TLL1: variants seen among roughly 807,000 people sequenced by gnomAD.
TLL1 encodes the protein tolloid like 1, also known as tolloid-like protein 1.
Under a neutral mutation model 128.2 loss-of-function variants are expected in TLL1, and 49 were observed. The observed-to-expected ratio is 0.38, with a 90% CI of 0.30 to 0.48. TLL1 has a LOEUF of 0.48. TLL1 is among the 20% of genes least tolerant of loss of function. The pLI, the probability that TLL1 is intolerant of heterozygous loss-of-function variation, is 0.96. For missense variants in TLL1, 1,123 were observed against 1,242.0 expected (o/e 0.90, Z 1.44); for synonymous variants, 454 against 418.8 (o/e 1.08, Z -1.03).
intron 7 of TLL1, among the ~76,000 whole-genome samples, chr4:166,010,895 GA>G (rs1393785157): frequency 1.3e-5 from 2 of 150,606 alleles, no homozygotes; most frequent in Non-Finnish European, 3.0e-5. Flanking sequence ...GTCATTTGTT[GA>G]AAAAACTGTC....
chr4:165,948,409 C>T (rs1244253262), intron 1 of TLL1, among the ~76,000 whole-genome samples: 1 of 152,032 alleles, frequency 6.6e-6, no homozygotes, highest in East Asian at 1.9e-4. Flanking sequence ...TGAGTTGTTG[C>T]TATAATGGAA....
intron 1 of TLL1, among the ~76,000 whole-genome samples, chr4:165,909,494 G>C (rs770755028): frequency 9.2e-5 from 14 of 152,306 alleles, no homozygotes; most frequent in Middle Eastern, 3.4e-3. Context: ...AGAGTTCCAA[G>C]GACTTAGGTC....
chr4:165,954,816 C>A (rs1188422278), intron 1 of TLL1, among the ~76,000 whole-genome samples: 3 of 152,064 alleles, frequency 2.0e-5, no homozygotes. Context: ...CAATTGACAG[C>A]AACTTCACAA....
rs762873481 is a variant in TLL1 at position 165,989,476 on chromosome 4, C to T, written c.265C>T (p.Leu89Phe). ...IDLTQNPFGN[L>F]GHTTGGLGDH... is the part of the protein sequence containing the mutation. ...CCTTACGCAGAACCCCTTTGGAAAC[C>T]TTGGACATACCACAGGTATGGTTGA... Residue 89 changes from leucine (L) to phenylalanine (F), a missense_variant, in exon 2 of 21, where the codon CTT becomes TTT. Leu to Phe is a conservative substitution (Grantham distance 22, BLOSUM62 0). Transcript: ENST00000061240. The T allele has an allele frequency of 4.3e-6, 7 of 1,611,254 alleles. No homozygotes were observed. The East Asian group carries it at 1.3e-4, about 31-fold the overall frequency.
chr4:165,969,185 C>T (rs1269146310), intron 1 of TLL1, among the ~76,000 whole-genome samples: 3 of 151,952 alleles, frequency 2.0e-5, no homozygotes, highest in South Asian at 4.1e-4. Context: ...TTTTATCTTG[C>T]CAATATTAAA....
intron 1 of TLL1, among the ~76,000 whole-genome samples, chr4:165,945,577 A>C (rs2110930208): frequency 6.6e-6 from 1 of 152,280 alleles, no homozygotes; most frequent in East Asian, 1.9e-4. Context: ...AGTTATTCTA[A>C]ATAGGTGATA....
At chr4:165,904,045 A>C in intron 1 of TLL1, among the ~76,000 whole-genome samples, 1 of 151,902 alleles carries the variant, frequency 6.6e-6, no homozygotes, top group East Asian at 1.9e-4. Context: ...AATTTTGCAT[A>C]TATCTTTTGT....
intron 1 of TLL1, among the ~76,000 whole-genome samples, chr4:165,883,288 T>C (rs781455277): frequency 2.0e-5 from 3 of 152,208 alleles, no homozygotes; most frequent in Non-Finnish European, 2.9e-5. Context: ...TGAGCTGCCA[T>C]GGTCTGCCTT....
chr4:166,018,558 G>C (rs1030144356), intron 8 of TLL1, among the ~76,000 whole-genome samples: 2 of 152,024 alleles, frequency 1.3e-5, no homozygotes, highest in African/African-American at 4.8e-5. Flanking sequence ...CTACACATCT[G>C]ACAAAGGTCT....
At chr4:166,036,789 C>CTGTG (rs3047083) in intron 9 of TLL1, among the ~76,000 whole-genome samples, 8,215 of 145,146 alleles carry the variant, frequency 0.057, 525 homozygotes, top group African/African-American at 0.17. Flanking sequence ...CCCTATCCAA[C>CTGTG]TGTGTGTGTG....
chr4:166,027,414 G>C (rs1738556519), intron 9 of TLL1, among the ~76,000 whole-genome samples: 1 of 152,142 alleles, frequency 6.6e-6, no homozygotes, highest in South Asian at 2.1e-4. Context: ...ATGGTATTAG[G>C]AGATAATCAT....
At chr4:166,039,877 G>T (rs918591765) in intron 10 of TLL1, among the ~76,000 whole-genome samples, 5 of 152,152 alleles carry the variant, frequency 3.3e-5, no homozygotes, top group Non-Finnish European at 5.9e-5. Context: ...ATGTTTGGTA[G>T]CTGGCTTCCT....
chr4:165,912,308 G>A (rs1401244862), intron 1 of TLL1, among the ~76,000 whole-genome samples: 1 of 152,138 alleles, frequency 6.6e-6, no homozygotes, highest in South Asian at 2.1e-4. Flanking sequence ...CAGCTTGAGT[G>A]TCTGACTTCC....
intron 19 of TLL1, among the ~76,000 whole-genome samples, chr4:166,093,380 G>A (rs1047169137): frequency 6.6e-6 from 1 of 152,146 alleles, no homozygotes; most frequent in African/African-American, 2.4e-5. Flanking sequence ...ACTATGCCTG[G>A]ATGTGCACAT....
At chr4:165,898,979 G>A (rs1177898422) in intron 1 of TLL1, among the ~76,000 whole-genome samples, 1 of 152,074 alleles carries the variant, frequency 6.6e-6, no homozygotes, top group Non-Finnish European at 1.5e-5. Flanking sequence ...GTCCAGGAAT[G>A]TATTCATTTC....
chr4:165,888,257 T>C (rs1373980174), intron 1 of TLL1, among the ~76,000 whole-genome samples: 1 of 152,184 alleles, frequency 6.6e-6, no homozygotes, highest in Non-Finnish European at 1.5e-5. Context: ...TATTTGGTAT[T>C]TTTTTAAACA....
chr4:166,047,441 G>A (rs1427134694), intron 12 of TLL1, among the ~76,000 whole-genome samples: 1 of 150,500 alleles, frequency 6.6e-6, no homozygotes, highest in Non-Finnish European at 1.5e-5. Context: ...TGGGATTACA[G>A]GTATGAGCCA....
chr4:166,003,803 T>A (rs547506651), intron 6 of TLL1, among the ~76,000 whole-genome samples: 1 of 152,294 alleles, frequency 6.6e-6, no homozygotes, highest in Admixed American at 6.5e-5. Flanking sequence ...AAGATTTAGC[T>A]GTTTTATTTC....
In TLL1 at chr4:166,002,507, C is replaced by T. The variant is rs1014929342; in HGVS notation, c.633-884C>T. Among the ~76,000 whole-genome samples the T allele has an allele frequency of 4.6e-5, 7 of 152,164 alleles. No homozygotes were observed. The East Asian group carries it at 7.7e-4, about 17-fold the overall frequency. On this transcript the variant is annotated intron_variant, in intron 5 of 20. Coordinates refer to ENST00000061240, the MANE Select transcript of TLL1 (RefSeq NM_012464.5). ...TTGCTCAGGCTGGAGCGCAGTGGTA[C>T]GATCCTAGCTCACTGCAGACTCAAA...
Sources: gnomAD v4.1 joint callset for allele counts (sites outside exome capture counted in the v4.1 genomes callset) on GRCh38, gnomAD v4.1.1 for gene constraint, MANE v1.5 for transcripts, NCBI Gene and HGNC (gene_info 2026-07-23, HGNC 2026-07-21) for gene names.